CARMIL1: variants seen among roughly 807,000 people sequenced by gnomAD.
CARMIL1 encodes capping protein regulator and myosin 1 linker 1.
Under a neutral mutation model 177.1 loss-of-function variants are expected in CARMIL1, and 90 were observed. The ratio of observed to expected loss-of-function variants is 0.51; its 90% confidence interval spans 0.43 to 0.61. CARMIL1 has a LOEUF of 0.61. Ranked by LOEUF, CARMIL1 falls within the 20% of genes least tolerant of loss-of-function variation. CARMIL1 has a pLI of 0.00. For synonymous variants in CARMIL1, 577 were observed against 606.2 expected (o/e 0.95, Z 0.71); for missense variants, 1,380 against 1,667.0 (o/e 0.83, Z 3.00).
chr6:25,395,242 A>C lies in CARMIL1; in HGVS notation c.139-24872A>C, dbSNP rs575265247. Among the ~76,000 whole-genome samples, 20 of 152,324 alleles carry C rather than the reference A, an allele frequency of 1.3e-4. No individual in the cohort carries two copies. In the East Asian group the frequency reaches 3.3e-3, roughly 25 times the overall value. On this transcript the variant is annotated intron_variant, in intron 2 of 36. Coordinates refer to ENST00000329474, the MANE Select transcript of CARMIL1 (RefSeq NM_017640.6). ...ATTGTCGGGACGGCGGTGCAAGGAGAAACATCCTGGAGAGGACGTACAGGA... is the reference window on the plus strand; with the variant it reads ...ATTGTCGGGACGGCGGTGCAAGGAGCAACATCCTGGAGAGGACGTACAGGA...
In CARMIL1 at chr6:25,580,909, T is replaced by C. The variant is rs1408894395; in HGVS notation, c.2743-15T>C. 1 of 1,568,524 alleles carries C rather than the reference T, an allele frequency of 6.4e-7. No individual in the cohort carries two copies. The highest frequency in any genetic ancestry group is 2.3e-5 in the East Asian group (1 of 42,974). ...GCTACCTAAGTGTTTTTTTAAATTA[T>C]TATTTCATTTCTAGATGACCCCTAA... On this transcript the variant is annotated splice_polypyrimidine_tract_variant and intron_variant, in intron 29 of 36. Coordinates refer to ENST00000329474, the MANE Select transcript of CARMIL1 (RefSeq NM_017640.6).
At chr6:25,433,124 C>G (rs765048236) in intron 4 of CARMIL1, 5 of 152,134 alleles carry the variant, frequency 3.3e-5, no homozygotes, top group Non-Finnish European at 7.4e-5. Flanking sequence ...GTGGTGACAT[C>G]TTACACAGGG....
intron 2 of CARMIL1, among the ~76,000 whole-genome samples, chr6:25,348,044 T>G (rs1787712434): frequency 6.6e-6 from 1 of 152,234 alleles, no homozygotes; most frequent in African/African-American, 2.4e-5. Context: ...GAAACCAGTT[T>G]GGCCACAGGC....
At chr6:25,286,229 A>T (rs1388435124) in intron 2 of CARMIL1, among the ~76,000 whole-genome samples, 1 of 152,246 alleles carries the variant, frequency 6.6e-6, no homozygotes, top group African/African-American at 2.4e-5. Flanking sequence ...AAAGAATTTG[A>T]AGTGTCTTTC....
At chr6:25,348,744 T>G (rs1787811016) in intron 2 of CARMIL1, among the ~76,000 whole-genome samples, 2 of 152,066 alleles carry the variant, frequency 1.3e-5, no homozygotes, top group Non-Finnish European at 2.9e-5. Flanking sequence ...ATCGTGCCTC[T>G]GCACTCCAGC....
chr6:25,533,320 T>A lies in CARMIL1; in HGVS notation c.2067+4427T>A, dbSNP rs1807954692. 2.6e-5 allele frequency among the ~76,000 whole-genome samples: 4 copies of A among 152,222 alleles called. No individual in the cohort carries two copies. In the South Asian group the frequency reaches 8.3e-4, roughly 32 times the overall value. On this transcript the variant is annotated intron_variant, in intron 24 of 36. Coordinates refer to ENST00000329474, the MANE Select transcript of CARMIL1 (RefSeq NM_017640.6). ...GAATATTATGGTTAAGAACTTGGGC[T>A]CTCAAGTCAGATGACCCCAGATGTA...
intron 2 of CARMIL1, among the ~76,000 whole-genome samples, chr6:25,388,016 T>C (rs1005009417): frequency 2.0e-5 from 3 of 152,160 alleles, no homozygotes; most frequent in African/African-American, 4.8e-5. Context: ...GAAAAAGATC[T>C]TGAGCAGATA....
chr6:25,489,861 C>G (rs301394), intron 13 of CARMIL1, among the ~76,000 whole-genome samples: 1 of 151,878 alleles, frequency 6.6e-6, no homozygotes, highest in Non-Finnish European at 1.5e-5. Flanking sequence ...ATCTGCTCCC[C>G]CCCAAAATAA....
chr6:25,586,626 C>G (rs1368092892), intron 31 of CARMIL1, among the ~76,000 whole-genome samples: 1 of 152,026 alleles, frequency 6.6e-6, no homozygotes, highest in Admixed American at 6.5e-5. Context: ...GAGGTTGTAG[C>G]GAGCCGAGAT....
Position 25,382,925 on chromosome 6 carries a change from A to G in CARMIL1, c.139-37189A>G, listed in dbSNP as rs149564997. The stretch of plus-strand genomic sequence containing the variant: ...GCTGGGATTACAGGCATGAGCCACA[A>G]TGCCTGGCCTTATATTTCTTATTAT... On this transcript the variant is annotated intron_variant, in intron 2 of 36. Coordinates refer to ENST00000329474, the MANE Select transcript of CARMIL1 (RefSeq NM_017640.6). Among the ~76,000 whole-genome samples the G allele has an allele frequency of 1.9e-3, 295 of 152,286 alleles. 2 individuals carry two copies. Among genetic ancestry groups the G allele is most frequent in the Middle Eastern group, 0.01 (3 of 294 alleles).
chr6:25,458,742 C>T (rs1799754075), intron 8 of CARMIL1, among the ~76,000 whole-genome samples: 2 of 152,110 alleles, frequency 1.3e-5, no homozygotes, highest in Non-Finnish European at 2.9e-5. Context: ...AACCCTGGCT[C>T]TGCCTCAGCT....
chr6:25,536,836 A>G (rs1808350722), intron 24 of CARMIL1, among the ~76,000 whole-genome samples: 1 of 152,208 alleles, frequency 6.6e-6, no homozygotes, highest in Admixed American at 6.5e-5. Context: ...AATTTAACTA[A>G]AAAAGAATAT....
At chr6:25,409,252 GCT>G (rs1392148197) in intron 2 of CARMIL1, among the ~76,000 whole-genome samples, 1 of 152,166 alleles carries the variant, frequency 6.6e-6, no homozygotes, top group Non-Finnish European at 1.5e-5. Flanking sequence ...TCTGGGCTCA[GCT>G]CTGTTTCTAA....
chr6:25,318,151 G>A (rs1784417300), intron 2 of CARMIL1, among the ~76,000 whole-genome samples: 1 of 152,138 alleles, frequency 6.6e-6, no homozygotes, highest in Non-Finnish European at 1.5e-5. Flanking sequence ...GAAGTTTTGG[G>A]CAAGAGTGAG....
intron 2 of CARMIL1, among the ~76,000 whole-genome samples, chr6:25,301,095 T>C (rs1000378162): frequency 2.6e-5 from 4 of 152,176 alleles, no homozygotes; most frequent in African/African-American, 9.7e-5. Context: ...TTGGTGGCCA[T>C]AGCTGCTTGA....
At chr6:25,493,381 C>T (rs1296062220) in intron 15 of CARMIL1, among the ~76,000 whole-genome samples, 1 of 152,196 alleles carries the variant, frequency 6.6e-6, no homozygotes, top group Non-Finnish European at 1.5e-5. Context: ...GTCAGCCAGA[C>T]TATTCATTCT....
chr6:25,480,972 G>A (rs539133529), intron 11 of CARMIL1, among the ~76,000 whole-genome samples: 2 of 151,542 alleles, frequency 1.3e-5, no homozygotes, highest in African/African-American at 2.4e-5. Flanking sequence ...CGCCCTCCTC[G>A]GCCTCCCAAA....
At chr6:25,436,410 A>G (rs1241821807) in intron 5 of CARMIL1, among the ~76,000 whole-genome samples, 1 of 152,210 alleles carries the variant, frequency 6.6e-6, no homozygotes, top group Non-Finnish European at 1.5e-5. Flanking sequence ...CCACATAGAC[A>G]TGTGTAGCAT....
chr6:25,613,318 A>G (rs1816647901), intron 36 of CARMIL1, among the ~76,000 whole-genome samples: 1 of 152,210 alleles, frequency 6.6e-6, no homozygotes, highest in Non-Finnish European at 1.5e-5. Context: ...CTCTTTCAGG[A>G]AAGGATCAAT....
Sources: allele counts gnomAD v4.1 joint callset (sites outside exome capture counted in the v4.1 genomes callset), GRCh38; gene constraint gnomAD v4.1.1; transcripts MANE v1.5; gene names NCBI Gene and HGNC (gene_info 2026-07-23, HGNC 2026-07-21).